SLC12A7: variants seen among roughly 807,000 people sequenced by gnomAD.
SLC12A7 encodes solute carrier family 12 member 7, also known as K-Cl cotransporter 4.
A neutral mutation model predicts 120.6 loss-of-function variants in SLC12A7; 100 were observed. That is an observed-to-expected ratio of 0.83 (90% CI 0.71 to 0.98). SLC12A7 has a LOEUF of 0.98. Among genes scored for constraint, SLC12A7 ranks in the 50% least tolerant of loss-of-function variants. The pLI is 0.00. For missense variants in SLC12A7, 1,373 were observed against 1,548.1 expected (o/e 0.89, Z 1.90); for synonymous variants, 760 against 678.0 (o/e 1.12, Z -1.88).
chr5:1,154,386 C>CAGAGAG, the SLC12A7 span, among the ~76,000 whole-genome samples: 1 of 150,810 alleles, frequency 6.6e-6, no homozygotes, highest in African/African-American at 2.5e-5. Flanking sequence ...CACACACACA[C>CAGAGAG]ACACAGAGAC....
At chr5:1,114,427 G>A (rs1256183821), upstream of SLC12A7, among the ~76,000 whole-genome samples, 1 of 152,148 alleles carries the variant, frequency 6.6e-6, no homozygotes, top group Non-Finnish European at 1.5e-5. Context: ...AGCCGCTGCA[G>A]GCCCCTCCCA....
chr5:1,135,553 T>A, the SLC12A7 span, among the ~76,000 whole-genome samples: 1 of 152,164 alleles, frequency 6.6e-6, no homozygotes, highest in Non-Finnish European at 1.5e-5. Flanking sequence ...GGTCCCAGGG[T>A]TGAAGTCGCC....
At chr5:1,154,354 A>AACACACACAC in the SLC12A7 span, among the ~76,000 whole-genome samples, 732 of 141,792 alleles carry the variant, frequency 5.2e-3, 11 homozygotes, top group East Asian at 0.042. Context: ...TGGTGTCCGC[A>AACACACACAC]ACACACACAC....
At position 1,061,096 on chromosome 5, in the gene SLC12A7, C is replaced by T. The variant is rs113376278; in HGVS notation, c.2740-645G>A. ...CACCTGCCGCATCCGCCATGCGGAACCCCTGCGTCTCACCCACCGCACCCG... is the reference window on the plus strand; with the variant it reads ...CACCTGCCGCATCCGCCATGCGGAATCCCTGCGTCTCACCCACCGCACCCG... On this transcript the variant is annotated intron_variant, in intron 20 of 23. Coordinates refer to ENST00000264930, the MANE Select transcript of SLC12A7 (RefSeq NM_006598.3). 4.3e-4 allele frequency among the ~76,000 whole-genome samples: 25 copies of T among 58,602 alleles called. 2 individuals carry two copies. Among genetic ancestry groups the T allele is most frequent in the East Asian group, 1.3e-3 (2 of 1,502 alleles). The allele number at this position is 58,602 out of a possible 152,430, so 38.4% of individuals were successfully genotyped here. A position where few individuals can be genotyped will look rare whatever the true frequency, so the allele number is the denominator to read the frequency against.
the SLC12A7 span, among the ~76,000 whole-genome samples, chr5:1,125,018 A>T: frequency 6.6e-6 from 1 of 152,150 alleles, no homozygotes; most frequent in African/African-American, 2.4e-5. Flanking sequence ...GAGAGAAAGA[A>T]GATTTGAACA....
Position 1,050,456 on chromosome 5 carries a change from A to G in SLC12A7, c.*1904T>C, listed in dbSNP as rs993141258. On this transcript the variant is annotated 3_prime_UTR_variant, in exon 24 of 24. Coordinates refer to ENST00000264930, the MANE Select transcript of SLC12A7 (RefSeq NM_006598.3). ...AAACCTACAAAAGGAAACGGAGTCA[A>G]TTGTAAATGGCTGTAGTTACTGGTT... 2.9e-5 allele frequency: 5 copies of G among 174,104 alleles called. No individual in the cohort carries two copies. The highest frequency in any genetic ancestry group is 1.2e-4 in the African/African-American group (5 of 42,384). 10.8% of individuals were successfully genotyped at this position (174,104 alleles called of 1,614,324 possible).
chr5:1,076,403 C>G (rs1219670990), intron 13 of SLC12A7, among the ~76,000 whole-genome samples, 167 bp from the exon 14 acceptor site: 2 of 151,650 alleles, frequency 1.3e-5, no homozygotes, highest in Non-Finnish European at 2.9e-5. Flanking sequence ...ATCAGGCCCC[C>G]TCAGGTTCCA....
At chr5:1,074,728 C>G (rs1224876553) in intron 15 of SLC12A7, 57 bp from the exon 16 acceptor site, 1 of 1,520,664 alleles carries the variant, frequency 6.6e-7, no homozygotes, top group Admixed American at 1.8e-5. Flanking sequence ...TCCTCTCCCA[C>G]CTGGGAAAGG....
the SLC12A7 span, among the ~76,000 whole-genome samples, chr5:1,136,688 C>G: frequency 6.9e-6 from 1 of 145,012 alleles, no homozygotes. Context: ...CGCAGGCACA[C>G]ACGTGCTCAG....
chr5:1,061,022 GCC>G lies in SLC12A7; in HGVS notation c.2740-573_2740-572del, dbSNP rs1561034630. 2.4e-4 allele frequency among the ~76,000 whole-genome samples: 31 copies of G among 127,720 alleles called. 1 individual carries two copies. Among genetic ancestry groups the G allele is most frequent in the African/African-American group, 9.5e-4 (29 of 30,416 alleles). The allele number at this position is 127,720 out of a possible 152,430, so 83.8% of individuals were successfully genotyped here. On this transcript the variant is annotated intron_variant, in intron 20 of 23. Transcript: ENST00000264930. ...CGTGCAGGATCCCTGAGTCTCACCC[GCC>G]GCACCCGCCGTGCGGGATCCCTGAG...
chr5:1,076,986 A>T (rs1738423216), intron 12 of SLC12A7, among the ~76,000 whole-genome samples, 174 bp from the exon 13 acceptor site: 1 of 152,052 alleles, frequency 6.6e-6, no homozygotes, highest in African/African-American at 2.4e-5. Flanking sequence ...GCCCTGACAA[A>T]GGGCTGCAGC....
At chr5:1,138,521 C>G in the SLC12A7 span, among the ~76,000 whole-genome samples, 72 of 152,344 alleles carry the variant, frequency 4.7e-4, 2 homozygotes, top group South Asian at 0.012. Flanking sequence ...ACCTCTCAAC[C>G]TCATAGGGCC....
Position 1,077,963 on chromosome 5 carries a change from G to A in SLC12A7, c.1499C>T (p.Ala500Val). The change falls in exon 12 of 24, where the codon GCC (alanine) becomes GTC (valine). Residue 500 changes from alanine to valine, a missense_variant. Physicochemically the swap from Ala to Val is moderately conservative, Grantham distance 64. Coordinates refer to ENST00000264930, the MANE Select transcript of SLC12A7 (RefSeq NM_006598.3). ...LQGNLVIGML[A>V]WPSPWVIVIG... ...GACGATGACCCAGGGGGAGGGCCAG[G>A]CCAGCATGCCGATGACCAGGTTCCC... is the stretch of plus-strand genomic sequence containing the variant. 1 of 1,596,398 alleles carries A rather than the reference G, an allele frequency of 6.3e-7. No individual in the cohort carries two copies. Among genetic ancestry groups the A allele is most frequent in the South Asian group, 1.1e-5 (1 of 88,442 alleles).
At chr5:1,067,541 C>T (rs553539915) in intron 17 of SLC12A7, among the ~76,000 whole-genome samples, 9 of 152,372 alleles carry the variant, frequency 5.9e-5, no homozygotes, top group East Asian at 3.9e-4. Flanking sequence ...CCCAGGGAAA[C>T]GGCTGTTCAG....
chr5:1,110,274 G>C (rs1039030824), intron 1 of SLC12A7, among the ~76,000 whole-genome samples: 1 of 152,222 alleles, frequency 6.6e-6, no homozygotes, highest in Admixed American at 6.5e-5. Flanking sequence ...ACCCTCAAAA[G>C]TGTCCAGAAG....
intron 1 of SLC12A7, among the ~76,000 whole-genome samples, chr5:1,098,976 C>T (rs1400010478): frequency 6.6e-6 from 1 of 151,930 alleles, no homozygotes; most frequent in Admixed American, 6.6e-5. Context: ...TTCATGATGA[C>T]CGGAAGGCTG....
At position 1,076,205 on chromosome 5, in the gene SLC12A7, G is replaced by A; in HGVS notation, c.1780C>T (p.Leu594=). 6.2e-7 allele frequency: 1 copy of A among 1,612,036 alleles called. No individual in the cohort carries two copies. Among genetic ancestry groups the A allele is most frequent in the Non-Finnish European group, 8.5e-7 (1 of 1,179,528 alleles). ...AGCAGGGTCTGCACGGCGCAGGCCA[G>A]GTTCACGAACAGGTAGCACATGAGG... is the stretch of plus-strand genomic sequence containing the variant. ...FFLMCYLFVN[L]ACAVQTLLRT... is the part of the protein sequence containing the mutation. The change falls in exon 14 of 24, where the codon CTG becomes TTG. Residue 594 remains leucine, a synonymous_variant. Transcript: ENST00000264930.
chr5:1,148,439 T>C, the SLC12A7 span, among the ~76,000 whole-genome samples: 743 of 152,304 alleles, frequency 4.9e-3, 7 homozygotes, highest in Middle Eastern at 0.031. Flanking sequence ...TCTCCTGACC[T>C]TGTGATCCAC....
intron 23 of SLC12A7, among the ~76,000 whole-genome samples, chr5:1,053,040 C>T (rs1735224676): frequency 6.6e-6 from 1 of 152,238 alleles, no homozygotes; most frequent in African/African-American, 2.4e-5. Flanking sequence ...CCAGAATGCA[C>T]AGCTGCTGTG....
Sources: gnomAD v4.1 joint callset for allele counts (sites outside exome capture counted in the v4.1 genomes callset) on GRCh38, gnomAD v4.1.1 for gene constraint, MANE v1.5 for transcripts, NCBI Gene and HGNC (gene_info 2026-07-23, HGNC 2026-07-21) for gene names.